Variants in MAX observed in about 807,000 individuals in gnomAD.
MAX encodes protein max.
A neutral mutation model predicts 22.3 loss-of-function variants in MAX; 3 were observed. The observed-to-expected ratio is 0.13, with a 90% CI of 0.06 to 0.35. The LOEUF (loss-of-function observed/expected upper bound fraction) is 0.35. Among genes scored for constraint, MAX ranks in the 10% least tolerant of loss-of-function variants. The pLI is 1.00. For missense variants in MAX, 119 were observed against 209.4 expected (o/e 0.57, Z 2.66); for synonymous variants, 72 against 77.7 (o/e 0.93, Z 0.39).
At position 65,029,135 on chromosome 14, in the gene MAX, T is replaced by C. The variant is rs1007508972; in HGVS notation, c.172-22851A>G. ...CATATTCTTCCCTGACCTTTGCTCT[T>C]TGGGTGATGCTCTGCCATTCGTGCC... On this transcript the variant is annotated intron_variant, in intron 3 of 3. Coordinates refer to the MAX transcript ENST00000341653. The surrounding 1 kb of genome is among the most constrained non-coding windows in gnomAD (Gnocchi z 4.7). Among the ~76,000 whole-genome samples, 3 of 152,240 alleles carry C rather than the reference T, an allele frequency of 2.0e-5. No individual in the cohort carries two copies. Among genetic ancestry groups the C allele is most frequent in the African/African-American group, 7.2e-5 (3 of 41,458 alleles).
chr14:65,053,630 A>AAAAACAAAAAAAAAC (rs1462098166), intron 3 of MAX, among the ~76,000 whole-genome samples: 4 of 151,992 alleles, frequency 2.6e-5, no homozygotes, highest in African/African-American at 9.7e-5. Flanking sequence ...TTTTTTTAAA[A>AAAAACAAAAAAAAAC]AAAACAAAAA....
In MAX at chr14:65,076,212, T is replaced by G; in HGVS notation, c.*264A>C. 2 of 1,410,612 alleles carry G rather than the reference T, an allele frequency of 1.4e-6. No homozygotes were observed. The highest frequency in any genetic ancestry group is 1.8e-6 in the Non-Finnish European group (2 of 1,086,644). The allele number at this position is 1,410,612 out of a possible 1,614,324, so 87.4% of individuals were successfully genotyped here. The stretch of plus-strand genomic sequence containing the variant: ...GTCCTCCACAGAAAAAGCTGCCAAG[T>G]TGGGGTGTTTTGGTTTAAAAATTCC... On this transcript the variant is annotated 3_prime_UTR_variant, in exon 5 of 5. Coordinates refer to ENST00000358664, the MANE Select transcript of MAX (RefSeq NM_002382.5). The surrounding 1 kb of genome is among the most constrained non-coding windows in gnomAD (Gnocchi z 6.6).
At chr14:65,026,041 G>C (rs2061973800) in intron 3 of MAX, among the ~76,000 whole-genome samples, 1 of 152,228 alleles carries the variant, frequency 6.6e-6, no homozygotes, top group South Asian at 2.1e-4. Flanking sequence ...TTGGCAAACA[G>C]TTATAAACTT....
At position 65,044,480 on chromosome 14, in the gene MAX, T is replaced by C; in HGVS notation, c.172-38196A>G. On this transcript the variant is annotated intron_variant, in intron 3 of 3. Transcript: ENST00000341653. The surrounding 1 kb of genome is among the most constrained non-coding windows in gnomAD (Gnocchi z 5.5). The stretch of plus-strand genomic sequence containing the variant: ...GAGCTGTTCACTTGGGGCTGGATGA[T>C]TTCCCTCCACTACTCACAAAGTCTG... The C allele has an allele frequency of 6.3e-7, 1 of 1,578,544 alleles. No homozygotes were observed.
chr14:65,055,889 G>A (rs1233756589), intron 3 of MAX, among the ~76,000 whole-genome samples: 1 of 152,128 alleles, frequency 6.6e-6, no homozygotes, highest in African/African-American at 2.4e-5. Context: ...TAGTTGAAAA[G>A]ATGCTCAACC....
At chr14:65,038,563 C>G (rs1259389291) in intron 3 of MAX, among the ~76,000 whole-genome samples, 3 of 150,606 alleles carry the variant, frequency 2.0e-5, no homozygotes, top group African/African-American at 7.3e-5. Context: ...ACTAAAAATA[C>G]AAAAATTAGC....
chr14:65,088,804 A>AAT lies in MAX; in HGVS notation c.171+4902_171+4903dup, dbSNP rs2063415583. ...CAGACAGTCATTTAATAATCACACA[A>AAT]ATATATATAAAACCTCATATATTAA... On this transcript the variant is annotated intron_variant, in intron 3 of 4. Transcript: ENST00000358664. This position sits in a 1 kb window ranked among gnomAD's most constrained non-coding sequence, Gnocchi z 5.2. Among the ~76,000 whole-genome samples the AAT allele has an allele frequency of 6.6e-6, 1 of 152,176 alleles. No individual in the cohort carries two copies. Among genetic ancestry groups the AAT allele is most frequent in the African/African-American group, 2.4e-5 (1 of 41,444 alleles).
At position 65,040,958 on chromosome 14, in the gene MAX, G is replaced by C. The variant is rs184424696; in HGVS notation, c.172-34674C>G. 386 of 1,605,456 alleles carry C rather than the reference G, an allele frequency of 2.4e-4. No individual in the cohort carries two copies. In the African/African-American group the frequency reaches 4.5e-3, roughly 19 times the overall value. Reference sequence around the variant, plus strand: ...GAGCCATCCCCCTCTCAGGCCCCAGGTCATGGTGATGTGATTGTACTCAGA... The same window carrying C: ...GAGCCATCCCCCTCTCAGGCCCCAGCTCATGGTGATGTGATTGTACTCAGA... On this transcript the variant is annotated intron_variant, in intron 3 of 3. Transcript: ENST00000341653.
In MAX at chr14:65,062,953, C is replaced by G. The variant is rs992734894; in HGVS notation, c.171+30755G>C. The stretch of plus-strand genomic sequence containing the variant: ...CTCCGACAGACAGCAAGGACTGGGC[C>G]TAGTAGCCCCAGAGCAGGCTGACTT... On this transcript the variant is annotated intron_variant, in intron 3 of 3. Coordinates refer to the MAX transcript ENST00000341653. This position sits in a 1 kb window ranked among gnomAD's most constrained non-coding sequence, Gnocchi z 4.3. 3.9e-5 allele frequency among the ~76,000 whole-genome samples: 6 copies of G among 152,236 alleles called. 1 individual carries two copies. The highest frequency in any genetic ancestry group is 3.9e-4 in the Admixed American group (6 of 15,288).
Position 65,075,352 on chromosome 14 carries a change from C to T in MAX, c.*1124G>A. 9.4e-7 allele frequency: 1 copy of T among 1,063,366 alleles called. No homozygotes were observed. Among genetic ancestry groups the T allele is most frequent in the Non-Finnish European group, 1.1e-6 (1 of 877,782 alleles). 65.9% of individuals were successfully genotyped at this position (1,063,366 alleles called of 1,614,324 possible). The stretch of plus-strand genomic sequence containing the variant: ...AACACACAAAACCCTTCACTGGCAT[C>T]TGCTGACCACAGCCAGAACCAGGGC... On this transcript the variant is annotated 3_prime_UTR_variant, in exon 5 of 5. Coordinates refer to ENST00000358664, the MANE Select transcript of MAX (RefSeq NM_002382.5). The surrounding 1 kb of genome is among the most constrained non-coding windows in gnomAD (Gnocchi z 4.1).
chr14:65,091,417 G>T (rs1315530563), intron 3 of MAX, among the ~76,000 whole-genome samples: 1 of 152,176 alleles, frequency 6.6e-6, no homozygotes, highest in African/African-American at 2.4e-5. Flanking sequence ...AATTAGAATG[G>T]TATCTAGTAA....
intron 1 of MAX, 143 bp downstream of exon 1, chr14:65,102,161 G>C: frequency 6.9e-7 from 1 of 1,456,962 alleles, no homozygotes; most frequent in Non-Finnish European, 9.3e-7. Flanking sequence ...AACCGGGAAC[G>C]CGACGGAGGC....
In MAX at chr14:65,028,820, T is replaced by C. The variant is rs991269480; in HGVS notation, c.172-22536A>G. 6.6e-6 allele frequency among the ~76,000 whole-genome samples: 1 copy of C among 152,206 alleles called. No individual in the cohort carries two copies. Among genetic ancestry groups the C allele is most frequent in the African/African-American group, 2.4e-5 (1 of 41,456 alleles). On this transcript the variant is annotated intron_variant, in intron 3 of 3. Coordinates refer to the MAX transcript ENST00000341653. The surrounding 1 kb of genome is among the most constrained non-coding windows in gnomAD (Gnocchi z 4.4). ...AAGGAAAATGTTAAAAGAGTTTTTT[T>C]CCCTCGTGTTCACTACATTTTCGTT...
At position 65,054,535 on chromosome 14, in the gene MAX, G is replaced by A; in HGVS notation, c.171+39173C>T. On this transcript the variant is annotated intron_variant, in intron 3 of 3. Transcript: ENST00000341653. The surrounding 1 kb of genome is among the most constrained non-coding windows in gnomAD (Gnocchi z 4.4). ...GTGGCTACATTTGTAGATGTGTGCGGAGCAGAGGAGCGCCTGCTCAGAGCT... is the reference window on the plus strand; with the variant it reads ...GTGGCTACATTTGTAGATGTGTGCGAAGCAGAGGAGCGCCTGCTCAGAGCT... The A allele has an allele frequency of 2.5e-6, 4 of 1,587,668 alleles. No homozygotes were observed. The highest frequency in any genetic ancestry group is 3.4e-6 in the Non-Finnish European group (4 of 1,165,096).
Position 65,076,796 on chromosome 14 carries a change from T to A in MAX, c.296-133A>T. The A allele has an allele frequency of 9.9e-7, 1 of 1,014,130 alleles. No individual in the cohort carries two copies. Among genetic ancestry groups the A allele is most frequent in the Non-Finnish European group, 1.5e-6 (1 of 649,162 alleles). The allele number at this position is 1,014,130 out of a possible 1,614,324, so 62.8% of individuals were successfully genotyped here. A position where few individuals can be genotyped will look rare whatever the true frequency, so the allele number is the denominator to read the frequency against. On this transcript the variant is annotated intron_variant, in intron 4 of 4. Transcript: ENST00000358664. This position sits in a 1 kb window ranked among gnomAD's most constrained non-coding sequence, Gnocchi z 6.6. ...CCCCGAGGCTCAAGATGCTCAGAAG[T>A]AGCTCCCTTCGGGTGGCTGTTCACT... is the stretch of plus-strand genomic sequence containing the variant.
In MAX at chr14:65,031,474, T is replaced by C. The variant is rs1205394023; in HGVS notation, c.172-25190A>G. On this transcript the variant is annotated intron_variant, in intron 3 of 3. Coordinates refer to the MAX transcript ENST00000341653. The surrounding 1 kb of genome is among the most constrained non-coding windows in gnomAD (Gnocchi z 4.6). ...TTGGGACTACGGGCACACGCCACCA[T>C]GCCCAGCTAATTTTTGTGTTTTTAG... Among the ~76,000 whole-genome samples the C allele has an allele frequency of 2.0e-5, 3 of 151,936 alleles. No individual in the cohort carries two copies. The highest frequency in any genetic ancestry group is 3.9e-4 in the East Asian group (2 of 5,070).
chr14:65,026,872 A>C (rs1445149404), intron 3 of MAX, among the ~76,000 whole-genome samples: 4 of 152,136 alleles, frequency 2.6e-5, no homozygotes, highest in East Asian at 3.9e-4. Context: ...AAAAAAAAAA[A>C]CAAAAAAACA....
chr14:65,061,331 G>A (rs1229108888), intron 3 of MAX: 2 of 1,612,876 alleles, frequency 1.2e-6, no homozygotes, highest in African/African-American at 2.7e-5. Flanking sequence ...GGTCCCGGCA[G>A]CTCTTTGCTC....
intron 3 of MAX, chr14:65,089,849 G>A (rs1332092637): frequency 7.0e-6 from 1 of 143,544 alleles, no homozygotes; most frequent in Non-Finnish European, 1.5e-5. Flanking sequence ...CCATTACTCT[G>A]GTTGGCTGGC....
Sources: gnomAD v4.1 joint callset for allele counts (sites outside exome capture counted in the v4.1 genomes callset) on GRCh38, gnomAD v4.1.1 for gene constraint, Gnocchi (gnomAD v3.1) non-coding constraint, MANE v1.5 for transcripts, NCBI Gene and HGNC (gene_info 2026-07-23, HGNC 2026-07-21) for gene names.